The following TTC39C variants were observed in gnomAD, a reference collection of about 807,000 sequenced individuals.
TTC39C encodes the protein tetratricopeptide repeat domain 39C, also known as tetratricopeptide repeat protein 39C.
Under a neutral mutation model 76.3 loss-of-function variants are expected in TTC39C, and 33 were observed. The observed-to-expected ratio is 0.43, with a 90% CI of 0.33 to 0.58. TTC39C has a LOEUF of 0.58. TTC39C is among the 20% of genes least tolerant of loss of function. TTC39C has a pLI of 0.04. For missense variants in TTC39C, 595 were observed against 701.4 expected (o/e 0.85, Z 1.71); for synonymous variants, 254 against 260.6 (o/e 0.97, Z 0.24).
At chr18:24,025,046 T>C (rs2083582060) in intron 1 of TTC39C, among the ~76,000 whole-genome samples, 1 of 152,066 alleles carries the variant, frequency 6.6e-6, no homozygotes, top group Non-Finnish European at 1.5e-5. Flanking sequence ...TTTTTGTATT[T>C]TTGGTAGAGA....
At chr18:24,063,933 G>A (rs1296172389) in intron 1 of TTC39C, among the ~76,000 whole-genome samples, 1 of 152,112 alleles carries the variant, frequency 6.6e-6, no homozygotes, top group Non-Finnish European at 1.5e-5. Context: ...AGAATCAGAG[G>A]CAAATTCTAT....
At chr18:24,127,286 T>A (rs2085063427) in intron 10 of TTC39C, among the ~76,000 whole-genome samples, 1 of 152,232 alleles carries the variant, frequency 6.6e-6, no homozygotes, top group Non-Finnish European at 1.5e-5. Flanking sequence ...GAGAAAGTTA[T>A]GTTCCAGAAA....
At chr18:24,025,874 A>G (rs1263947062) in intron 1 of TTC39C, among the ~76,000 whole-genome samples, 2 of 152,234 alleles carry the variant, frequency 1.3e-5, no homozygotes, top group Non-Finnish European at 2.9e-5. Flanking sequence ...AGGCTGGCAC[A>G]GCTGTGGCTG....
At chr18:24,087,423 T>C (rs996668436) in intron 6 of TTC39C, among the ~76,000 whole-genome samples, 4 of 152,206 alleles carry the variant, frequency 2.6e-5, no homozygotes, top group African/African-American at 7.2e-5. Flanking sequence ...ATACATACTT[T>C]CACACACATA....
At chr18:24,062,580 A>G (rs1002695623) in intron 1 of TTC39C, among the ~76,000 whole-genome samples, 1 of 152,084 alleles carries the variant, frequency 6.6e-6, no homozygotes, top group Non-Finnish European at 1.5e-5. Context: ...GGGTGTGAGC[A>G]CTGGTTAGGG....
chr18:24,082,854 A>G, intron 5 of TTC39C, 59 bp from the exon 6 acceptor site: 1 of 1,500,880 alleles, frequency 6.7e-7, no homozygotes, highest in Middle Eastern at 1.8e-4. Flanking sequence ...GAGTTTTGAA[A>G]AATGGAAATG....
intron 1 of TTC39C, among the ~76,000 whole-genome samples, chr18:24,001,823 G>GTTTTTTTTTTTTTTTT (rs750295981): frequency 3.5e-5 from 2 of 57,496 alleles, no homozygotes; most frequent in African/African-American, 8.9e-5. Flanking sequence ...CGGTAATTCT[G>GTTTTTTTTTTTTTTTT]TTTTTTTTTT....
At chr18:24,032,818 A>T (rs561013557) in intron 1 of TTC39C, among the ~76,000 whole-genome samples, 1 of 152,376 alleles carries the variant, frequency 6.6e-6, no homozygotes, top group South Asian at 2.1e-4. Flanking sequence ...TACAAATCCC[A>T]GTTAGCTCAT....
At chr18:24,076,326 C>T (rs8085148) in intron 4 of TTC39C, among the ~76,000 whole-genome samples, 32 of 152,026 alleles carry the variant, frequency 2.1e-4, no homozygotes, top group African/African-American at 7.7e-4. Flanking sequence ...ACAGACACAG[C>T]GATAACGACA....
At chr18:24,095,110 C>A (rs777627859) in intron 6 of TTC39C, among the ~76,000 whole-genome samples, 1 of 152,248 alleles carries the variant, frequency 6.6e-6, no homozygotes, top group Non-Finnish European at 1.5e-5. Flanking sequence ...TCTCCATCAG[C>A]ACTTGCTGCT....
chr18:24,046,804 C>G (rs574747026), intron 1 of TTC39C, among the ~76,000 whole-genome samples: 1 of 151,950 alleles, frequency 6.6e-6, no homozygotes, highest in East Asian at 1.9e-4. Context: ...ATTCCCACCA[C>G]TCACTGTAAA....
chr18:24,111,909 A>G (rs2084817631), intron 6 of TTC39C, among the ~76,000 whole-genome samples: 1 of 8,830 alleles, frequency 1.1e-4, no homozygotes. Flanking sequence ...CTTTAAAAAT[A>G]TATATATATA....
intron 1 of TTC39C, among the ~76,000 whole-genome samples, chr18:24,028,449 C>A (rs575756269): frequency 1.3e-5 from 2 of 152,254 alleles, no homozygotes; most frequent in East Asian, 3.9e-4. Flanking sequence ...AAAACTTCAT[C>A]AAAGAGCTAT....
At chr18:23,998,643 A>C (rs1211241285) in intron 1 of TTC39C, among the ~76,000 whole-genome samples, 1 of 152,146 alleles carries the variant, frequency 6.6e-6, no homozygotes, top group East Asian at 1.9e-4. Context: ...CAAATTAGAA[A>C]AATTATTTTT....
intron 5 of TTC39C, among the ~76,000 whole-genome samples, chr18:24,081,321 C>T (rs138865508): frequency 1.5e-4 from 23 of 152,280 alleles, no homozygotes; most frequent in African/African-American, 5.3e-4. Context: ...AAAGAATTCT[C>T]ACATTGGGTA....
At chr18:24,125,594 G>A (rs1204298104) in intron 10 of TTC39C, 44 bp downstream of exon 10, 1 of 1,609,970 alleles carries the variant, frequency 6.2e-7, no homozygotes, top group Non-Finnish European at 8.5e-7. Context: ...TGGACACACT[G>A]GCTTCTTCTG....
chr18:24,030,471 A>T (rs1248607038), intron 1 of TTC39C, among the ~76,000 whole-genome samples: 4 of 152,116 alleles, frequency 2.6e-5, no homozygotes, highest in African/African-American at 9.7e-5. Context: ...ATACAGTTAG[A>T]AGTAGTACAC....
intron 1 of TTC39C, among the ~76,000 whole-genome samples, chr18:24,023,368 G>A (rs764792162): frequency 6.6e-6 from 1 of 152,196 alleles, no homozygotes; most frequent in South Asian, 2.1e-4. Context: ...AAGCAAAGCC[G>A]CTGCTGAGCC....
At chr18:24,066,227 G>T in intron 3 of TTC39C, 87 bp downstream of exon 3, 2 of 1,486,522 alleles carry the variant, frequency 1.3e-6, no homozygotes, top group East Asian at 2.6e-5. Flanking sequence ...CCATTTGCTT[G>T]GTTTTAGTAT....
Sources: gnomAD v4.1 joint callset for allele counts (sites outside exome capture counted in the v4.1 genomes callset) on GRCh38, gnomAD v4.1.1 for gene constraint, MANE v1.5 for transcripts, NCBI Gene and HGNC (gene_info 2026-07-23, HGNC 2026-07-21) for gene names.